COL21A1: variants seen among roughly 807,000 people sequenced by gnomAD.
COL21A1 encodes collagen alpha-1(XXI) chain.
In COL21A1, 149 loss-of-function variants were observed where a neutral mutation model predicts 137.9. The observed-to-expected ratio is 1.08, with a 90% CI of 0.95 to 1.24. The LOEUF (loss-of-function observed/expected upper bound fraction) is 1.24. COL21A1 is among the 50% of genes most tolerant of loss of function. The pLI, the probability that COL21A1 is intolerant of heterozygous loss-of-function variation, is 0.00. For synonymous variants in COL21A1, 456 were observed against 391.5 expected (o/e 1.16, Z -1.95); for missense variants, 1,167 against 1,158.4 (o/e 1.01, Z -0.11).
At chr6:56,232,810 A>G (rs1781655968) in intron 1 of COL21A1, among the ~76,000 whole-genome samples, 1 of 151,852 alleles carries the variant, frequency 6.6e-6, no homozygotes, top group Non-Finnish European at 1.5e-5. Flanking sequence ...ACATAGTAGA[A>G]GTAATAAAGC....
chr6:56,298,586 C>G (rs1582764225), intron 1 of COL21A1, among the ~76,000 whole-genome samples: 1 of 152,162 alleles, frequency 6.6e-6, no homozygotes, highest in Non-Finnish European at 1.5e-5. Flanking sequence ...CCACCCCACT[C>G]TCAGCCCCAA....
At chr6:56,198,086 T>C (rs1345225325) in intron 1 of COL21A1, among the ~76,000 whole-genome samples, 1 of 152,060 alleles carries the variant, frequency 6.6e-6, no homozygotes, top group African/African-American at 2.4e-5. Flanking sequence ...TGGATAAAGC[T>C]GGAGGACAGT....
At chr6:56,085,272 T>C (rs889657111) in intron 17 of COL21A1, among the ~76,000 whole-genome samples, 1 of 152,108 alleles carries the variant, frequency 6.6e-6, no homozygotes, top group African/African-American at 2.4e-5. Context: ...ATTTAAGTTA[T>C]CTAATTTCTA....
intron 1 of COL21A1, among the ~76,000 whole-genome samples, chr6:56,231,775 G>T (rs16887710): frequency 2.0e-5 from 3 of 151,202 alleles, no homozygotes; most frequent in African/African-American, 7.3e-5. Flanking sequence ...AATATCTATC[G>T]CTAGTTCTAT....
chr6:56,379,958 A>G (rs1441570384), intron 1 of COL21A1, among the ~76,000 whole-genome samples: 1 of 152,142 alleles, frequency 6.6e-6, no homozygotes, highest in African/African-American at 2.4e-5. Flanking sequence ...AGATCTGTCT[A>G]TTCATTACTG....
intron 1 of COL21A1, among the ~76,000 whole-genome samples, chr6:56,237,645 A>T (rs1006124223): frequency 6.6e-6 from 1 of 152,164 alleles, no homozygotes; most frequent in Non-Finnish European, 1.5e-5. Context: ...AAATTAGTCA[A>T]CCTTAGCATT....
At chr6:56,252,611 C>T (rs1782879705) in intron 1 of COL21A1, among the ~76,000 whole-genome samples, 1 of 152,168 alleles carries the variant, frequency 6.6e-6, no homozygotes, top group Admixed American at 6.5e-5. Flanking sequence ...AAATATGCTA[C>T]ATTTTCCTTT....
chr6:56,176,817 T>C (rs1235505232), intron 3 of COL21A1, among the ~76,000 whole-genome samples: 1 of 146,270 alleles, frequency 6.8e-6, no homozygotes, highest in African/African-American at 2.5e-5. Flanking sequence ...ATGTGTTTTA[T>C]ATGAGGGGGA....
At chr6:56,146,490 T>A (rs10484704) in intron 10 of COL21A1, among the ~76,000 whole-genome samples, 5 of 152,022 alleles carry the variant, frequency 3.3e-5, no homozygotes, top group African/African-American at 7.2e-5. Flanking sequence ...GTTTATATGC[T>A]TTTACTGATT....
chr6:56,095,868 A>C (rs1769270639), intron 17 of COL21A1, among the ~76,000 whole-genome samples: 1 of 152,092 alleles, frequency 6.6e-6, no homozygotes, highest in Non-Finnish European at 1.5e-5. Flanking sequence ...TTCTTTTGAG[A>C]CAGAGTCTCA....
At position 56,262,510 on chromosome 6, in the gene COL21A1, G is replaced by A. The variant is rs185618519; in HGVS notation, c.-38-79854C>T. ...GTGGACAATCCCCAGGAATCAGGAG[G>A]GCAAGAAGACAGCAATGTGTCAGGA... is the stretch of plus-strand genomic sequence containing the variant. On this transcript the variant is annotated intron_variant, in intron 1 of 28. Transcript: ENST00000370819. Among the ~76,000 whole-genome samples the A allele has an allele frequency of 1.0e-3, 152 of 152,082 alleles. 1 individual carries two copies. The highest frequency in any genetic ancestry group is 1.0e-2 in the Admixed American group (152 of 15,274).
chr6:56,338,200 A>G (rs376587220), intron 1 of COL21A1, among the ~76,000 whole-genome samples: 132 of 152,068 alleles, frequency 8.7e-4, no homozygotes, highest in African/African-American at 3.1e-3. Context: ...TCCTGTCCTC[A>G]TGATCTGCCC....
intron 1 of COL21A1, among the ~76,000 whole-genome samples, chr6:56,333,753 G>T (rs552504211): frequency 1.3e-5 from 2 of 152,124 alleles, no homozygotes; most frequent in East Asian, 3.9e-4. Flanking sequence ...GAGAGTTTCG[G>T]TTCCTCCATA....
rs1373932016 is a variant in COL21A1 at position 56,060,234 on chromosome 6, A to G, written c.2408-16T>C. On this transcript the variant is annotated splice_polypyrimidine_tract_variant and intron_variant, in intron 27 of 29. Transcript: ENST00000244728. ...GGTAGCTGGGCTTTCAAAAACAAAG[A>G]AACCCCATCCCTTATGTTTAAATGG... The G allele has an allele frequency of 6.4e-7, 1 of 1,568,234 alleles. No homozygotes were observed. The highest frequency in any genetic ancestry group is 8.6e-7 in the Non-Finnish European group (1 of 1,157,714).
intron 24 of COL21A1, among the ~76,000 whole-genome samples, chr6:56,063,726 G>C (rs1480496629): frequency 6.6e-6 from 1 of 151,988 alleles, no homozygotes; most frequent in Non-Finnish European, 1.5e-5. Context: ...CTCCAAGTAA[G>C]GAACACAGAG....
chr6:56,174,626 A>G (rs1325776740), intron 3 of COL21A1, among the ~76,000 whole-genome samples: 1 of 152,082 alleles, frequency 6.6e-6, no homozygotes, highest in Non-Finnish European at 1.5e-5. Flanking sequence ...GAATATATGA[A>G]CATACCTATA....
chr6:56,256,946 G>C (rs1462841991), intron 1 of COL21A1, among the ~76,000 whole-genome samples: 1 of 152,038 alleles, frequency 6.6e-6, no homozygotes, highest in East Asian at 1.9e-4. Flanking sequence ...GCACAGAGGA[G>C]CTCTAAATTT....
chr6:56,078,011 C>T (rs1767394825), intron 17 of COL21A1: 1 of 449,098 alleles, frequency 2.2e-6, no homozygotes, highest in South Asian at 1.6e-5. Flanking sequence ...AAATGATTGC[C>T]TCCCACCTGA....
chr6:56,067,215 G>T, intron 23 of COL21A1, 80 bp downstream of exon 23: 1 of 1,151,798 alleles, frequency 8.7e-7, no homozygotes, highest in Non-Finnish European at 1.2e-6. Context: ...GAAACAGAAA[G>T]GAATTTAAAA....
Sources: allele counts gnomAD v4.1 joint callset (sites outside exome capture counted in the v4.1 genomes callset), GRCh38; gene constraint gnomAD v4.1.1; transcripts MANE v1.5; gene names NCBI Gene and HGNC (gene_info 2026-07-23, HGNC 2026-07-21).